Variants in GABRA4 observed in about 807,000 individuals in gnomAD.
GABRA4 encodes gamma-aminobutyric acid receptor subunit alpha-4.
GABRA4 carries 12 observed loss-of-function variants against 49.7 expected under a neutral mutation model. The ratio of observed to expected loss-of-function variants is 0.24; its 90% confidence interval spans 0.15 to 0.39. The LOEUF (loss-of-function observed/expected upper bound fraction) is 0.39. Among genes scored for constraint, GABRA4 ranks in the 10% least tolerant of loss-of-function variants. GABRA4 has a pLI of 1.00. For synonymous variants in GABRA4, 288 were observed against 240.2 expected (o/e 1.20, Z -1.84); for missense variants, 506 against 686.0 (o/e 0.74, Z 2.93).
Position 46,928,350 on chromosome 4 carries a change from C to T in GABRA4, c.1540G>A (p.Gly514Ser). 5.6e-6 allele frequency: 9 copies of T among 1,613,560 alleles called. No homozygotes were observed. Among genetic ancestry groups the T allele is most frequent in the Non-Finnish European group, 7.6e-6 (9 of 1,179,664 alleles). The change falls in exon 9 of 9, where the codon GGC becomes AGC. Residue 514 changes from glycine to serine, a missense_variant. This residue lies in a region of GABRA4 where 243 missense variants were observed against 210.8 expected (regional missense o/e 1.15). Coordinates refer to ENST00000264318, the MANE Select transcript of GABRA4 (RefSeq NM_000809.4). ...GCATATTTGTCTATTTTACTTGTGC[C>T]AGATCCAGAAGGTGGTGGAGCCGAT... Reference protein sequence around the residue: ...PPSAPPPSGSGTSKIDKYARI... With the variant: ...PPSAPPPSGSSTSKIDKYARI...
intron 8 of GABRA4, among the ~76,000 whole-genome samples, chr4:46,934,324 T>C (rs1721535476): frequency 1.3e-5 from 2 of 152,108 alleles, no homozygotes. Flanking sequence ...TAAACAAATG[T>C]GGTAGAGCAG....
At position 46,927,512 on chromosome 4, in the gene GABRA4, G is replaced by T. The variant is rs1263658392; in HGVS notation, c.*713C>A. ...TAGTTCCTGGAACACAGTAGGCTCT[G>T]AATAACTATGTAGTAAATAAACACA... is the stretch of plus-strand genomic sequence containing the variant. On this transcript the variant is annotated 3_prime_UTR_variant, in exon 9 of 9. Transcript: ENST00000264318. 6.6e-6 allele frequency: 1 copy of T among 152,404 alleles called. No individual in the cohort carries two copies. The highest frequency in any genetic ancestry group is 2.1e-4 in the South Asian group (1 of 4,828). The allele number at this position is 152,404 out of a possible 1,614,324, so 9.4% of individuals were successfully genotyped here.
At chr4:46,959,773 A>AAAG (rs1553904328) in intron 8 of GABRA4, among the ~76,000 whole-genome samples, 11 of 147,818 alleles carry the variant, frequency 7.4e-5, no homozygotes, top group Non-Finnish European at 1.5e-4. Context: ...AAAAAAAAAA[A>AAAG]AAAGAAAAGA....
chr4:46,951,412 T>C (rs904574582), intron 8 of GABRA4, among the ~76,000 whole-genome samples: 62 of 151,846 alleles, frequency 4.1e-4, no homozygotes, highest in Admixed American at 7.9e-4. Flanking sequence ...ATATTGGTCT[T>C]CAAGTTCATA....
At chr4:46,949,626 C>A (rs1049522482) in intron 8 of GABRA4, among the ~76,000 whole-genome samples, 1 of 152,020 alleles carries the variant, frequency 6.6e-6, no homozygotes, top group Non-Finnish European at 1.5e-5. Flanking sequence ...TTAAACTTTT[C>A]CATATTTTAT....
rs1201290233 is a variant in GABRA4 at position 46,951,881 on chromosome 4, C to T, written c.1134+13089G>A. Among the ~76,000 whole-genome samples, 3 of 151,672 alleles carry T rather than the reference C, an allele frequency of 2.0e-5. No individual in the cohort carries two copies. In the Admixed American group the frequency reaches 2.0e-4, roughly 10 times the overall value. On this transcript the variant is annotated intron_variant, in intron 8 of 8. Coordinates refer to ENST00000264318, the MANE Select transcript of GABRA4 (RefSeq NM_000809.4). The stretch of plus-strand genomic sequence containing the variant: ...ATTAAACTGACTGTACTTAGAAAAA[C>T]TTTTCAGGGAGGCAAAAATAGAGTG...
intron 8 of GABRA4, among the ~76,000 whole-genome samples, chr4:46,943,042 G>T (rs1283623544): frequency 6.6e-6 from 1 of 151,948 alleles, no homozygotes; most frequent in Non-Finnish European, 1.5e-5. Flanking sequence ...CAATTCTTCA[G>T]ATATTTATTG....
chr4:46,931,596 C>T (rs745481000), intron 8 of GABRA4, among the ~76,000 whole-genome samples: 6 of 152,108 alleles, frequency 3.9e-5, no homozygotes, highest in Admixed American at 6.6e-5. Context: ...TTACCCACTC[C>T]TGACCCATCC....
chr4:46,976,046 A>G (rs545427186), intron 5 of GABRA4, among the ~76,000 whole-genome samples: 27 of 151,930 alleles, frequency 1.8e-4, no homozygotes, highest in Non-Finnish European at 3.7e-4. Flanking sequence ...AAGCAATAGT[A>G]AAAGCCAGCA....
At position 46,928,144 on chromosome 4, in the gene GABRA4, A is replaced by G. The variant is rs989084161; in HGVS notation, c.*81T>C. 7 of 1,175,098 alleles carry G rather than the reference A, an allele frequency of 6.0e-6. No individual in the cohort carries two copies. The highest frequency in any genetic ancestry group is 2.7e-5 in the Admixed American group (1 of 37,220). 72.8% of individuals were successfully genotyped at this position (1,175,098 alleles called of 1,614,324 possible). A position where few individuals can be genotyped will look rare whatever the true frequency, so the allele number is the denominator to read the frequency against. ...ACACAGAGTTTTTATTTTAGTAAAGAATATTTGTTTATATTTAAAAACATT... is the reference window on the plus strand; with the variant it reads ...ACACAGAGTTTTTATTTTAGTAAAGGATATTTGTTTATATTTAAAAACATT... On this transcript the variant is annotated 3_prime_UTR_variant, in exon 9 of 9. Transcript: ENST00000264318.
In GABRA4 at chr4:46,980,507, C is replaced by G. The variant is rs368840586; in HGVS notation, c.206-1409G>C. 2.1e-4 allele frequency among the ~76,000 whole-genome samples: 32 copies of G among 151,860 alleles called. No homozygotes were observed. In the East Asian group the frequency reaches 5.6e-3, roughly 27 times the overall value. On this transcript the variant is annotated intron_variant, in intron 2 of 8. Coordinates refer to ENST00000264318, the MANE Select transcript of GABRA4 (RefSeq NM_000809.4). ...TTGATCCACACAAAGAAAGATAGCTCGAGGGAGAATGAGAAAATTCTTTAC... is the reference window on the plus strand; with the variant it reads ...TTGATCCACACAAAGAAAGATAGCTGGAGGGAGAATGAGAAAATTCTTTAC...
Position 46,928,374 on chromosome 4 carries a change from A to C in GABRA4, c.1516T>G (p.Ser506Ala), listed in dbSNP as rs759828897. ...TGKLSATPPP[S>A]APPPSGSGTS... The stretch of plus-strand genomic sequence containing the variant: ...CCAGATCCAGAAGGTGGTGGAGCCG[A>C]TGGAGGAGGAGTAGCTGACAACTTC... Residue 506 changes from serine (S) to alanine (A), a missense_variant, in exon 9 of 9, where the codon TCG (serine) becomes GCG (alanine). By Grantham distance (99) the Ser-to-Ala change is moderately conservative (BLOSUM62 1). Around this residue, in one of 5 missense-constraint regions of GABRA4, gnomAD observed 243 missense variants for 210.8 expected, o/e 1.15. Transcript: ENST00000264318. 1.2e-6 allele frequency: 2 copies of C among 1,613,640 alleles called. No individual in the cohort carries two copies. The highest frequency in any genetic ancestry group is 1.7e-5 in the Admixed American group (1 of 59,942).
chr4:46,950,168 G>A (rs1198478922), intron 8 of GABRA4, among the ~76,000 whole-genome samples: 1 of 152,106 alleles, frequency 6.6e-6, no homozygotes, highest in Non-Finnish European at 1.5e-5. Context: ...ACAAGAGAGA[G>A]TGCCTGTTGA....
intron 8 of GABRA4, among the ~76,000 whole-genome samples, chr4:46,937,107 G>C (rs186630531): frequency 8.5e-5 from 13 of 152,314 alleles, no homozygotes; most frequent in South Asian, 2.1e-4. Flanking sequence ...GTGGAGCCCT[G>C]TCCCATGGAA....
chr4:46,955,237 G>A (rs576801016), intron 8 of GABRA4, among the ~76,000 whole-genome samples: 1 of 152,028 alleles, frequency 6.6e-6, no homozygotes, highest in Admixed American at 6.6e-5. Flanking sequence ...ATACTATGTT[G>A]CCTTACTCCC....
rs1348692149 is a variant in GABRA4 at position 46,965,200 on chromosome 4, G to T, written c.904C>A (p.Leu302Ile). 6.3e-7 allele frequency: 1 copy of T among 1,584,250 alleles called. No individual in the cohort carries two copies. The highest frequency in any genetic ancestry group is 8.6e-7 in the Non-Finnish European group (1 of 1,162,546). The change falls in exon 8 of 9, where the codon CTA (leucine) becomes ATA (isoleucine). Residue 302 changes from leucine to isoleucine, a missense_variant. By Grantham distance (5) the Leu-to-Ile change is conservative. This residue lies in a region of GABRA4 where 33 missense variants were observed against 102.5 expected (regional missense o/e 0.32). Coordinates refer to ENST00000264318, the MANE Select transcript of GABRA4 (RefSeq NM_000809.4). ...AAAGAATGTCGTGCACTGATGCTTA[G>T]TGTGGTCATGGTGAGGACAGTTGTT... ...GITTVLTMTT[L>I]SISARHSLPK...
chr4:46,928,805 T>A (rs367868192), intron 8 of GABRA4, 50 bp from the exon 9 acceptor site: 192 of 1,281,018 alleles, frequency 1.5e-4, no homozygotes, highest in African/African-American at 9.9e-4. Context: ...TTATGCAGAT[T>A]TGTACAAAAT....
chr4:46,944,836 C>T (rs1480653740), intron 8 of GABRA4, among the ~76,000 whole-genome samples: 1 of 152,114 alleles, frequency 6.6e-6, no homozygotes, highest in African/African-American at 2.4e-5. Flanking sequence ...ATTCAGCACG[C>T]TTGTGTGAGT....
At chr4:46,935,209 C>T (rs935864411) in intron 8 of GABRA4, among the ~76,000 whole-genome samples, 3 of 152,126 alleles carry the variant, frequency 2.0e-5, no homozygotes, top group Non-Finnish European at 2.9e-5. Context: ...AAATTGTGGG[C>T]TCCCAAATAA....
Sources: allele counts gnomAD v4.1 joint callset (sites outside exome capture counted in the v4.1 genomes callset), GRCh38; gene constraint gnomAD v4.1.1; regional missense constraint gnomAD v4.1.1; transcripts MANE v1.5; gene names NCBI Gene and HGNC (gene_info 2026-07-23, HGNC 2026-07-21).